Variants in VWA2 observed in about 807,000 individuals in gnomAD.
VWA2 encodes von Willebrand factor A domain-containing protein 2.
VWA2 carries 73 observed loss-of-function variants against 70.4 expected under a neutral mutation model. The ratio of observed to expected loss-of-function variants is 1.04; its 90% CI spans 0.86 to 1.26. The LOEUF is 1.26. Among genes scored for constraint, VWA2 ranks in the 50% most tolerant of loss-of-function variants. The pLI is 0.00. For missense variants in VWA2, 1,011 were observed against 998.5 expected (o/e 1.01, Z -0.17); for synonymous variants, 407 against 423.3 (o/e 0.96, Z 0.47).
chr10:114,261,788 T>C (rs1342846440), intron 5 of VWA2, among the ~76,000 whole-genome samples: 1 of 152,216 alleles, frequency 6.6e-6, no homozygotes, highest in African/African-American at 2.4e-5. Context: ...TATGTGTTAG[T>C]CTGTTCTTGC....
intron 13 of VWA2, 114 bp from the exon 14 acceptor site, chr10:114,291,104 G>A: frequency 1.6e-6 from 2 of 1,225,380 alleles, no homozygotes; most frequent in Non-Finnish European, 1.2e-6. Context: ...CTTCTGCTGG[G>A]GGCGAGGTGG....
At chr10:114,239,882 A>C (rs893889034) in intron 1 of VWA2, among the ~76,000 whole-genome samples, 1 of 152,128 alleles carries the variant, frequency 6.6e-6, no homozygotes, top group Non-Finnish European at 1.5e-5. Context: ...GTAAGTGGGT[A>C]GGGGCTCCGG....
At chr10:114,269,077 G>A (rs919064762) in intron 5 of VWA2, among the ~76,000 whole-genome samples, 2 of 152,172 alleles carry the variant, frequency 1.3e-5, no homozygotes, top group Non-Finnish European at 2.9e-5. Flanking sequence ...TACCTTGGTC[G>A]CAAGCCAGCA....
At position 114,288,964 on chromosome 10, in the gene VWA2, G is replaced by T. The variant is rs764526217; in HGVS notation, c.1597G>T (p.Val533Phe). 2 of 1,612,510 alleles carry T rather than the reference G, an allele frequency of 1.2e-6. No homozygotes were observed. The highest frequency in any genetic ancestry group is 1.1e-5 in the South Asian group (1 of 90,844). The change falls in exon 12 of 14, where the codon GTC (valine) becomes TTC (phenylalanine). Residue 533 changes from valine (V) to phenylalanine (F), a missense_variant. Physicochemically the swap from Val to Phe is conservative, Grantham distance 50. Transcript: ENST00000392982. Reference protein sequence around the residue: ...PGCRTQALDLVFMLDTSASVG... With the variant: ...PGCRTQALDLFFMLDTSASVG... ...GTGCCGGACACAAGCCCTGGACCTC[G>T]TCTTCATGTTGGACACCTCTGCCTC...
chr10:114,265,159 T>C (rs1031774852), intron 5 of VWA2, among the ~76,000 whole-genome samples: 2 of 152,206 alleles, frequency 1.3e-5, no homozygotes, highest in African/African-American at 2.4e-5. Context: ...AGAATAGATT[T>C]TGGACTTAGA....
chr10:114,272,252 C>T (rs1235713293), intron 5 of VWA2, among the ~76,000 whole-genome samples: 1 of 152,214 alleles, frequency 6.6e-6, no homozygotes, highest in Non-Finnish European at 1.5e-5. Flanking sequence ...TTGGACATGG[C>T]CCACAAAGGC....
chr10:114,284,959 A>G lies in VWA2; in HGVS notation c.986A>G (p.Glu329Gly). The G allele has an allele frequency of 6.3e-7, 1 of 1,599,554 alleles. No homozygotes were observed. Among genetic ancestry groups the G allele is most frequent in the East Asian group, 2.3e-5 (1 of 43,886 alleles). ...QCLCPLAFGG[E>G]ANCALKLSLE... ...CTCTGCCCGCTGGCCTTTGGAGGGG[A>G]GGCTAACTGTGGTAGGTATGCACCG... Residue 329 changes from glutamate (E) to glycine (G), a missense_variant, in exon 10 of 14, where the codon GAG becomes GGG. Coordinates refer to ENST00000392982, the MANE Select transcript of VWA2 (RefSeq NM_001272046.2).
chr10:114,251,162 C>T (rs1257692634), intron 2 of VWA2, among the ~76,000 whole-genome samples: 1 of 152,264 alleles, frequency 6.6e-6, no homozygotes, highest in Non-Finnish European at 1.5e-5. Flanking sequence ...TGCGCAATAG[C>T]GTCACCCATC....
At chr10:114,278,070 G>C in intron 7 of VWA2, 23 bp downstream of exon 7, 2 of 1,599,854 alleles carry the variant, frequency 1.3e-6, no homozygotes, top group Non-Finnish European at 1.7e-6. Flanking sequence ...AGCCTGGAGG[G>C]AGTGGAAGTG....
At chr10:114,283,884 T>C (rs1284933298) in intron 9 of VWA2, among the ~76,000 whole-genome samples, 1 of 152,256 alleles carries the variant, frequency 6.6e-6, no homozygotes, top group African/African-American at 2.4e-5. Context: ...GAAAAGTCTA[T>C]ATTTTAATTA....
In VWA2 at chr10:114,293,797, T is replaced by A. The variant is rs2039820928; in HGVS notation, c.*2560T>A. On this transcript the variant is annotated 3_prime_UTR_variant, in exon 14 of 14. Coordinates refer to ENST00000392982, the MANE Select transcript of VWA2 (RefSeq NM_001272046.2). ...TTTCTAGAGAAATATTTCCAAATGA[T>A]GCTAGTTTTGTCTCTTCCTTTCAAA... is the stretch of plus-strand genomic sequence containing the variant. Among the ~76,000 whole-genome samples the A allele has an allele frequency of 6.6e-6, 1 of 152,194 alleles. No homozygotes were observed.
intron 1 of VWA2, among the ~76,000 whole-genome samples, chr10:114,244,776 G>A (rs766868769): frequency 3.3e-5 from 5 of 152,240 alleles, no homozygotes; most frequent in Non-Finnish European, 5.9e-5. Context: ...CAACATCATC[G>A]CAATAGCGTT....
In VWA2 at chr10:114,294,300, A is replaced by T. The variant is rs1321928559; in HGVS notation, c.*3063A>T. Among the ~76,000 whole-genome samples, 1 of 152,206 alleles carries T rather than the reference A, an allele frequency of 6.6e-6. No individual in the cohort carries two copies. The highest frequency in any genetic ancestry group is 1.5e-5 in the Non-Finnish European group (1 of 68,028). ...ATACTAACCTTATAATGGAAAATAC[A>T]TATTTCTCAAACTTTTACACTGATA... On this transcript the variant is annotated 3_prime_UTR_variant, in exon 14 of 14. Transcript: ENST00000392982.
intron 5 of VWA2, among the ~76,000 whole-genome samples, chr10:114,264,326 A>C (rs545431393): frequency 6.6e-6 from 1 of 152,358 alleles, no homozygotes; most frequent in African/African-American, 2.4e-5. Context: ...TGAACAAAAT[A>C]CTGATTCATG....
chr10:114,248,593 T>C, intron 1 of VWA2, 111 bp from the exon 2 acceptor site: 1 of 869,940 alleles, frequency 1.1e-6, no homozygotes, highest in South Asian at 1.4e-5. Context: ...GCCTCCAGGG[T>C]CATATCTGTG....
chr10:114,285,100 C>A, intron 10 of VWA2, 130 bp downstream of exon 10: 1 of 655,692 alleles, frequency 1.5e-6, no homozygotes, highest in Non-Finnish European at 2.5e-6. Context: ...TCCAATGCAC[C>A]ACTGGTCTGC....
At chr10:114,251,837 T>C (rs1016469450) in intron 2 of VWA2, among the ~76,000 whole-genome samples, 9 of 150,926 alleles carry the variant, frequency 6.0e-5, no homozygotes, top group Admixed American at 1.3e-4. Flanking sequence ...TTTTTTTTTT[T>C]TTTTGAGATT....
chr10:114,275,280 A>G (rs1196554749), intron 6 of VWA2, among the ~76,000 whole-genome samples: 1 of 152,182 alleles, frequency 6.6e-6, no homozygotes, highest in Non-Finnish European at 1.5e-5. Context: ...GTCATCAATC[A>G]TTGTGATCAG....
At chr10:114,287,814 T>C (rs944343680) in intron 11 of VWA2, among the ~76,000 whole-genome samples, 9 of 152,228 alleles carry the variant, frequency 5.9e-5, no homozygotes, top group Non-Finnish European at 8.8e-5. Context: ...CACAGTGTTA[T>C]CATTAATGAA....
Sources: gnomAD v4.1 joint callset for allele counts (sites outside exome capture counted in the v4.1 genomes callset) on GRCh38, gnomAD v4.1.1 for gene constraint, MANE v1.5 for transcripts, NCBI Gene and HGNC (gene_info 2026-07-23, HGNC 2026-07-21) for gene names.